EIF2D: variants seen among roughly 807,000 people sequenced by gnomAD.
EIF2D encodes the protein hepatocellular carcinoma-associated antigen 56.
In EIF2D, 56 loss-of-function variants were observed where a neutral mutation model predicts 77.4. The ratio of observed to expected loss-of-function variants is 0.72; its 90% CI spans 0.58 to 0.90. The LOEUF (loss-of-function observed/expected upper bound fraction) is 0.90. Among genes scored for constraint, EIF2D ranks in the 40% least tolerant of loss-of-function variants. The pLI is 0.00. For synonymous variants in EIF2D, 230 were observed against 271.0 expected (o/e 0.85, Z 1.49); for missense variants, 574 against 706.5 (o/e 0.81, Z 2.13).
intron 4 of EIF2D, among the ~76,000 whole-genome samples, chr1:206,606,334 C>T (rs1281029465): frequency 1.3e-5 from 2 of 152,204 alleles, no homozygotes; most frequent in Non-Finnish European, 1.5e-5. Context: ...CTGAAACTGG[C>T]TTCTTTCCCA....
rs548575199 is a variant in EIF2D at position 206,612,424 on chromosome 1, C to G, written c.-82G>C. The G allele has an allele frequency of 6.3e-7, 1 of 1,576,648 alleles. No individual in the cohort carries two copies. The highest frequency in any genetic ancestry group is 1.1e-5 in the South Asian group (1 of 90,344). On this transcript the variant is annotated 5_prime_UTR_variant, in exon 1 of 15. Transcript: ENST00000271764. Reference sequence around the variant, plus strand: ...GAGGGCGCAGCAGCTGCCAGGCCCTCAGCCGTGGGGGCAGCCATGCTGGGG... The same window carrying G: ...GAGGGCGCAGCAGCTGCCAGGCCCTGAGCCGTGGGGGCAGCCATGCTGGGG...
chr1:206,593,900 G>T, intron 13 of EIF2D, 107 bp from the exon 14 acceptor site: 1 of 976,696 alleles, frequency 1.0e-6, no homozygotes, highest in South Asian at 1.9e-5. Context: ...GTTCTCTGAT[G>T]GTTCACCATT....
intron 12 of EIF2D, among the ~76,000 whole-genome samples, chr1:206,596,580 T>C (rs1669657597): frequency 6.6e-6 from 1 of 152,248 alleles, no homozygotes; most frequent in Admixed American, 6.5e-5. Context: ...TAAAAATTTT[T>C]CCTTTAAAGA....
chr1:206,608,129 T>A, intron 4 of EIF2D, 107 bp downstream of exon 4: 1 of 1,089,236 alleles, frequency 9.2e-7, no homozygotes, highest in Non-Finnish European at 1.3e-6. Flanking sequence ...CCAAAACCGA[T>A]TTTTGCTTTC....
At position 206,599,242 on chromosome 1, in the gene EIF2D, C is replaced by T. The variant is rs570469257; in HGVS notation, c.1203-150G>A. 4.5e-6 allele frequency: 4 copies of T among 882,700 alleles called. No individual in the cohort carries two copies. Among genetic ancestry groups the T allele is most frequent in the Admixed American group, 2.6e-5 (1 of 37,862 alleles). 54.7% of individuals were successfully genotyped at this position (882,700 alleles called of 1,614,324 possible). ...CTTTTCCTGACTGAAGTGAGCATGA[C>T]CATGTGAAGAATAATTACACGCAGA... On this transcript the variant is annotated intron_variant, in intron 10 of 14. Coordinates refer to ENST00000271764, the MANE Select transcript of EIF2D (RefSeq NM_006893.3). This position sits in a 1 kb window ranked among gnomAD's most constrained non-coding sequence, Gnocchi z 4.1.
Position 206,584,673 on chromosome 1 carries a change from A to AG in EIF2D, c.139-3512dup, listed in dbSNP as rs1553407192. On this transcript the variant is annotated intron_variant and NMD_transcript_variant, in intron 2 of 5. Transcript: ENST00000472709. The surrounding 1 kb of genome is among the most constrained non-coding windows in gnomAD (Gnocchi z 4.9). ...TTTGCACTTTTTAAGCGGATACACA[A>AG]GGACGGACAAGGTAGGAGAAAGAGT... 3.7e-6 allele frequency: 6 copies of AG among 1,614,224 alleles called. No individual in the cohort carries two copies. In the East Asian group the frequency reaches 1.1e-4, roughly 30 times the overall value.
chr1:206,605,509 T>A lies in EIF2D; in HGVS notation c.423-2A>T. ...GCAACTCCAATGGCTACAGGGGCTC[T>A]AAGAAGAAGGAAGCCAGAGACCAGG... On this transcript the variant is annotated splice_acceptor_variant, in intron 4 of 14. Transcript: ENST00000271764. LOFTEE classifies it high-confidence loss of function. The A allele has an allele frequency of 6.2e-7, 1 of 1,613,474 alleles. No individual in the cohort carries two copies. The highest frequency in any genetic ancestry group is 8.5e-7 in the Non-Finnish European group (1 of 1,179,594).
At chr1:206,583,194 G>C (rs1038807871) in intron 2 of EIF2D, 2 of 939,122 alleles carry the variant, frequency 2.1e-6, no homozygotes, top group African/African-American at 1.6e-5. Flanking sequence ...GAGAGGCTTT[G>C]GGGAGGGCGT....
chr1:206,574,234 G>C (rs1399499649), intron 4 of EIF2D, among the ~76,000 whole-genome samples: 9 of 152,190 alleles, frequency 5.9e-5, no homozygotes, highest in East Asian at 1.9e-4. Flanking sequence ...GGAGTCTGCG[G>C]GAGTGGCCTG....
At chr1:206,574,392 C>G (rs1178237928) in intron 4 of EIF2D, among the ~76,000 whole-genome samples, 1 of 152,240 alleles carries the variant, frequency 6.6e-6, no homozygotes, top group Non-Finnish European at 1.5e-5. Flanking sequence ...TCTCAAGGTG[C>G]CTTTCACGAT....
rs932181365 is a variant in EIF2D, at chr1:206,584,549, G to A, written c.139-3387C>T. ...GCGGACATCCTTCTACCTGCCCCTAGATGCCATCAAGCAGCTGCACATCAG... is the reference window on the plus strand; with the variant it reads ...GCGGACATCCTTCTACCTGCCCCTAAATGCCATCAAGCAGCTGCACATCAG... On this transcript the variant is annotated intron_variant and NMD_transcript_variant, in intron 2 of 5. Transcript: ENST00000472709. This position sits in a 1 kb window ranked among gnomAD's most constrained non-coding sequence, Gnocchi z 4.9. 2.5e-6 allele frequency: 4 copies of A among 1,614,190 alleles called. No individual in the cohort carries two copies. The highest frequency in any genetic ancestry group is 1.7e-5 in the Admixed American group (1 of 60,020).
intron 2 of EIF2D, 48 bp downstream of exon 2, chr1:206,611,136 G>A (rs781948096): frequency 3.3e-6 from 5 of 1,527,432 alleles, no homozygotes; most frequent in Non-Finnish European, 4.5e-6. Context: ...GCAGATGTTA[G>A]GCAAGAACTA....
chr1:206,611,070 T>C (rs1553413830), intron 2 of EIF2D, 114 bp downstream of exon 2: 1 of 968,854 alleles, frequency 1.0e-6, no homozygotes, highest in South Asian at 1.7e-5. Flanking sequence ...GGGGATGGTA[T>C]TGGGAGATTT....
At chr1:206,602,542 A>T in intron 6 of EIF2D, 89 bp from the exon 7 acceptor site, 1 of 1,170,398 alleles carries the variant, frequency 8.5e-7, no homozygotes. Context: ...TCCCTACCTC[A>T]CCCACTTGGC....
At position 206,602,941 on chromosome 1, in the gene EIF2D, A is replaced by G. The variant is rs782816243; in HGVS notation, c.784+10T>C. ...TGGGGAGATGGGCTCTTCTCCTCCT[A>G]GAGTTATACCTTGAAGCGTTTTGCT... On this transcript the variant is annotated intron_variant, in intron 6 of 14. Coordinates refer to ENST00000271764, the MANE Select transcript of EIF2D (RefSeq NM_006893.3). The G allele has an allele frequency of 3.1e-6, 5 of 1,612,670 alleles. No individual in the cohort carries two copies. Among genetic ancestry groups the G allele is most frequent in the Admixed American group, 1.7e-5 (1 of 59,918 alleles).
downstream of EIF2D, chr1:206,586,778 C>T: frequency 6.7e-7 from 1 of 1,488,742 alleles, no homozygotes; most frequent in South Asian, 1.2e-5. Context: ...AACTTCTAAC[C>T]TGTCTCCTAT....
At chr1:206,605,599 C>T in intron 4 of EIF2D, 92 bp from the exon 5 acceptor site, 1 of 1,064,248 alleles carries the variant, frequency 9.4e-7, no homozygotes, top group Non-Finnish European at 1.4e-6. Flanking sequence ...GGTAAAAATA[C>T]CAAGGTTACC....
chr1:206,586,282 A>G (rs1669108402), intron 2 of EIF2D: 1 of 153,594 alleles, frequency 6.5e-6, no homozygotes, highest in Non-Finnish European at 1.4e-5. Context: ...TTCTGCCATC[A>G]GAGGCCAAGT....
chr1:206,604,615 T>G (rs1159198077), intron 5 of EIF2D: 1 of 149,770 alleles, frequency 6.7e-6, no homozygotes, highest in African/African-American at 2.5e-5. Context: ...GTACCTGTGG[T>G]CCCAGCTACT....
Sources: allele counts gnomAD v4.1 joint callset (sites outside exome capture counted in the v4.1 genomes callset), GRCh38; gene constraint gnomAD v4.1.1; non-coding constraint Gnocchi (gnomAD v3.1); transcripts MANE v1.5; gene names NCBI Gene and HGNC (gene_info 2026-07-23, HGNC 2026-07-21).